Variants in POLA1 observed in about 807,000 individuals in gnomAD.
POLA1 encodes DNA polymerase alpha 1, catalytic subunit, also known as DNA polymerase alpha catalytic subunit.
POLA1 carries 15 observed loss-of-function variants against 124.0 expected under a neutral mutation model. The observed-to-expected ratio is 0.12, with a 90% CI of 0.08 to 0.19. The LOEUF (loss-of-function observed/expected upper bound fraction) is 0.19. Among genes scored for constraint, POLA1 ranks in the 10% least tolerant of loss-of-function variants. The pLI is 1.00. For missense variants in POLA1, 886 were observed against 1,103.4 expected (o/e 0.80, Z 2.79); for synonymous variants, 408 against 389.4 (o/e 1.05, Z -0.56).
chrX:24,913,524 C>T (rs1275556565), intron 35 of POLA1, among the ~76,000 whole-genome samples: 1 of 108,752 alleles, frequency 9.2e-6, no homozygotes, highest in Non-Finnish European at 1.9e-5. Context: ...CCAGCCTGGC[C>T]AACATGGTGA....
chrX:24,745,435 A>G lies in POLA1; in HGVS notation c.2584A>G (p.Ile862Val). ...DPKVGFYDKF[I>V]LLLDFNSLYP... ...AATTTCAGGTTTTTATGATAAGTTC[A>G]TTTTGCTTCTGGACTTCAACAGTCT... The change falls in exon 24 of 37, where the codon ATT (isoleucine) becomes GTT (valine). Residue 862 changes from isoleucine to valine, a missense_variant. Transcript: ENST00000379068. The G allele has an allele frequency of 6.1e-6, 7 of 1,151,788 alleles. No individual in the cohort carries two copies. Among genetic ancestry groups the G allele is most frequent in the Non-Finnish European group, 8.2e-6 (7 of 856,334 alleles). 94.9% of individuals were successfully genotyped at this position (1,151,788 alleles called of 1,213,427 possible). A position where few individuals can be genotyped will look rare whatever the true frequency, so the allele number is the denominator to read the frequency against.
intron 35 of POLA1, among the ~76,000 whole-genome samples, chrX:24,906,521 TG>T (rs1219127680): frequency 3.1e-5 from 3 of 97,281 alleles, no homozygotes; most frequent in Admixed American, 1.1e-4. Context: ...TTTGGGGACT[TG>T]GGGGGAAGGA....
intron 34 of POLA1, among the ~76,000 whole-genome samples, chrX:24,860,562 G>A (rs932646338): frequency 1.8e-5 from 2 of 112,294 alleles, no homozygotes; most frequent in African/African-American, 6.5e-5. Context: ...TTGAGTATGT[G>A]GTACAGAATT....
In POLA1 at chrX:24,922,212, C is replaced by A. The variant is rs928521145; in HGVS notation, c.4165-8241C>A. On this transcript the variant is annotated intron_variant, in intron 35 of 36. Transcript: ENST00000379068. ...GCCTCAGCCTCCCAAGTAGCTGGGA[C>A]TACAGACATGCGCTATCATACCCAA... 1.2e-3 allele frequency among the ~76,000 whole-genome samples: 125 copies of A among 107,427 alleles called. 2 individuals carry two copies. The highest frequency in any genetic ancestry group is 3.1e-4 in the Non-Finnish European group (16 of 52,271). 93.3% of individuals were successfully genotyped at this position (107,427 alleles called of 115,157 possible).
At chrX:24,839,172 AC>A (rs1453556292) in intron 32 of POLA1, among the ~76,000 whole-genome samples, 1 of 112,016 alleles carries the variant, frequency 8.9e-6, no homozygotes, top group African/African-American at 3.2e-5. Flanking sequence ...AGTAACTTGT[AC>A]AAGGATCATT....
At chrX:24,894,538 T>C (rs1027301761) in intron 35 of POLA1, among the ~76,000 whole-genome samples, 6 of 112,215 alleles carry the variant, frequency 5.3e-5, no homozygotes, top group African/African-American at 1.9e-4. Context: ...GGGGCCATTT[T>C]CCCTCTGAAA....
intron 12 of POLA1, 131 bp downstream of exon 12, chrX:24,724,582 A>G: frequency 4.8e-6 from 2 of 414,278 alleles, no homozygotes; most frequent in Non-Finnish European, 8.5e-6. Flanking sequence ...TGGAAATTTC[A>G]TAGGTATGAA....
chrX:24,814,315 C>T (rs1377924339), intron 29 of POLA1, among the ~76,000 whole-genome samples: 2 of 112,266 alleles, frequency 1.8e-5, no homozygotes, highest in Non-Finnish European at 3.8e-5. Context: ...GTCAAACTCT[C>T]GCTCTGCATT....
intron 4 of POLA1, among the ~76,000 whole-genome samples, chrX:24,713,501 C>T (rs1179599626): frequency 9.1e-6 from 1 of 110,191 alleles, no homozygotes; most frequent in Non-Finnish European, 1.9e-5. Context: ...ACTGCAATCT[C>T]GCCTCCGGGG....
intron 35 of POLA1, among the ~76,000 whole-genome samples, chrX:24,905,113 G>T (rs1285509914): frequency 9.2e-6 from 1 of 108,792 alleles, no homozygotes; most frequent in Non-Finnish European, 1.9e-5. Context: ...AAGACATGGA[G>T]AACTGAAATA....
rs754086525 is a variant in POLA1 at position 24,723,259 on chromosome X, C to T, written c.1192C>T (p.Arg398Cys). ...NIERTLYFLP[R>C]EMKIDLNTGK... ...CGAGCGAACGCTTTACTTCCTTCCC[C>T]GTGAAATGGTAAACATTAGTGATTA... The change falls in exon 11 of 37, where the codon CGT becomes TGT. Residue 398 changes from arginine to cysteine, a missense_variant. Physicochemically the swap from Arg to Cys is radical, Grantham distance 180 (BLOSUM62 -3). Around this residue, in one of 7 missense-constraint regions of POLA1, gnomAD observed 337 missense variants for 402.8 expected, o/e 0.84. Transcript: ENST00000379068. The T allele has an allele frequency of 1.1e-5, 13 of 1,153,813 alleles. No homozygotes were observed. The highest frequency in any genetic ancestry group is 2.4e-4 in the Middle Eastern group (1 of 4,199).
At chrX:24,709,105 G>T (rs1194863627) in intron 4 of POLA1, among the ~76,000 whole-genome samples, 2 of 76,959 alleles carry the variant, frequency 2.6e-5, no homozygotes, top group Admixed American at 1.3e-4. Flanking sequence ...GCGGCTGGCC[G>T]GGCAGAGGGG....
chrX:24,983,949 C>T (rs1274805462), intron 36 of POLA1, among the ~76,000 whole-genome samples: 1 of 111,756 alleles, frequency 8.9e-6, no homozygotes, highest in African/African-American at 3.3e-5. Context: ...CTCCCTGCTT[C>T]CGTCTGCAAA....
At chrX:24,795,450 C>G (rs977735323) in intron 26 of POLA1, among the ~76,000 whole-genome samples, 1 of 111,166 alleles carries the variant, frequency 9.0e-6, no homozygotes, top group African/African-American at 3.3e-5. Context: ...GGCCACCATG[C>G]CCTTGAGCCC....
chrX:24,890,671 T>C (rs1413588293), intron 35 of POLA1, among the ~76,000 whole-genome samples: 1 of 112,719 alleles, frequency 8.9e-6, no homozygotes, highest in Non-Finnish European at 1.9e-5. Flanking sequence ...ATAGCCTTTC[T>C]AACATTTGGA....
chrX:24,804,732 T>G (rs1330903887), intron 26 of POLA1, among the ~76,000 whole-genome samples: 1 of 111,962 alleles, frequency 8.9e-6, no homozygotes, highest in African/African-American at 3.2e-5. Context: ...TTTCTCTCTA[T>G]TGTTTAGTAT....
At chrX:24,879,308 C>T (rs957688289) in intron 34 of POLA1, among the ~76,000 whole-genome samples, 2 of 111,845 alleles carry the variant, frequency 1.8e-5, no homozygotes, top group African/African-American at 6.5e-5. Flanking sequence ...TTACCTGACA[C>T]ATCCATTTAT....
chrX:24,710,970 G>A (rs996656808), intron 4 of POLA1, among the ~76,000 whole-genome samples: 1 of 110,753 alleles, frequency 9.0e-6, no homozygotes, highest in Non-Finnish European at 1.9e-5. Flanking sequence ...GCATGTATAT[G>A]TATTTTTATT....
At chrX:24,959,697 G>A (rs926190271) in intron 36 of POLA1, among the ~76,000 whole-genome samples, 5 of 111,271 alleles carry the variant, frequency 4.5e-5, no homozygotes, top group African/African-American at 6.6e-5. Context: ...ATTGAGATGC[G>A]TCATAAGTAT....
Sources: allele counts gnomAD v4.1 joint callset (sites outside exome capture counted in the v4.1 genomes callset), GRCh38; gene constraint gnomAD v4.1.1; regional missense constraint gnomAD v4.1.1; transcripts MANE v1.5; gene names NCBI Gene and HGNC (gene_info 2026-07-23, HGNC 2026-07-21).